SPATA17: variants seen among roughly 807,000 people sequenced by gnomAD.
The protein encoded by SPATA17 is spermatogenesis-associated protein 17.
A neutral mutation model predicts 62.2 loss-of-function variants in SPATA17; 53 were observed. The ratio of observed to expected loss-of-function variants is 0.85; its 90% CI spans 0.68 to 1.07. The LOEUF is 1.07. Among genes scored for constraint, SPATA17 ranks in the 50% least tolerant of loss-of-function variants. The probability of loss-of-function intolerance (pLI) is 0.00; values close to 1 mark genes in which losing one functional copy is unlikely to be tolerated. For missense variants in SPATA17, 466 were observed against 425.5 expected (o/e 1.10, Z -0.84); for synonymous variants, 146 against 146.8 (o/e 0.99, Z 0.04).
At chr1:217,813,302 C>T (rs1296196767) in intron 9 of SPATA17, among the ~76,000 whole-genome samples, 5 of 152,114 alleles carry the variant, frequency 3.3e-5, no homozygotes, top group Admixed American at 2.6e-4. Context: ...AGCTTAACGA[C>T]CGTGATTATG....
intron 6 of SPATA17, among the ~76,000 whole-genome samples, chr1:217,773,874 A>ATT (rs1673520697): frequency 6.6e-6 from 1 of 151,942 alleles, no homozygotes; most frequent in South Asian, 2.1e-4. Context: ...AATAATTAAA[A>ATT]TAATCAGTCA....
intron 5 of SPATA17, among the ~76,000 whole-genome samples, chr1:217,717,120 C>T (rs973422810): frequency 2.6e-5 from 4 of 152,104 alleles, no homozygotes; most frequent in Non-Finnish European, 4.4e-5. Context: ...CACATTAAGA[C>T]CCATCCTAAC....
intron 6 of SPATA17, among the ~76,000 whole-genome samples, chr1:217,756,119 A>G (rs1458674404): frequency 6.6e-6 from 1 of 152,186 alleles, no homozygotes; most frequent in Non-Finnish European, 1.5e-5. Context: ...TCGATTAACT[A>G]ATAAATGAAT....
Position 217,801,731 on chromosome 1 carries a change from T to C in SPATA17, c.886T>C (p.Ser296Pro). ...TATTTCTTTCAGGTTTTTGCCATTT[T>C]CTTCATACCATAAAAATGAAAAGTA... Reference protein sequence around the residue: ...NVNDNMFLPFSSYHKNEKYIP... With the variant: ...NVNDNMFLPFPSYHKNEKYIP... The change falls in exon 9 of 11, where the codon TCT (serine) becomes CCT (proline). Residue 296 changes from serine to proline, a missense_variant. Coordinates refer to ENST00000366933, the MANE Select transcript of SPATA17 (RefSeq NM_138796.4). 6.3e-7 allele frequency: 1 copy of C among 1,599,594 alleles called. No homozygotes were observed. The highest frequency in any genetic ancestry group is 8.5e-7 in the Non-Finnish European group (1 of 1,175,606).
chr1:217,819,021 A>C (rs1398059445), intron 9 of SPATA17, among the ~76,000 whole-genome samples: 1 of 150,420 alleles, frequency 6.6e-6, no homozygotes, highest in Non-Finnish European at 1.5e-5. Context: ...AGTTTCCTGC[A>C]TGTCTTTCTG....
chr1:217,837,887 G>A (rs778153517), intron 9 of SPATA17, among the ~76,000 whole-genome samples: 21 of 152,026 alleles, frequency 1.4e-4, no homozygotes, highest in Admixed American at 2.6e-4. Flanking sequence ...AGCTGCTCCC[G>A]GAGAAAGAAA....
chr1:217,802,880 T>C (rs1353813585), intron 9 of SPATA17, among the ~76,000 whole-genome samples: 2 of 152,142 alleles, frequency 1.3e-5, no homozygotes, highest in Admixed American at 6.6e-5. Context: ...TAAAGTCATA[T>C]CTAAATCATA....
chr1:217,806,336 GAACA>G (rs898237017), intron 9 of SPATA17, among the ~76,000 whole-genome samples: 1 of 152,132 alleles, frequency 6.6e-6, no homozygotes, highest in Non-Finnish European at 1.5e-5. Context: ...TAGAGGAACT[GAACA>G]GGGTCATCCT....
At chr1:217,752,480 C>T (rs1233603829) in intron 6 of SPATA17, among the ~76,000 whole-genome samples, 1 of 152,074 alleles carries the variant, frequency 6.6e-6, no homozygotes, top group Non-Finnish European at 1.5e-5. Context: ...TATGTTTTGA[C>T]TTCATACTCT....
rs1673391641 is a variant in SPATA17 at position 217,769,767 on chromosome 1, A to G, written c.520-4567A>G. Among the ~76,000 whole-genome samples, 3 of 152,220 alleles carry G rather than the reference A, an allele frequency of 2.0e-5. No homozygotes were observed. In the South Asian group the frequency reaches 6.2e-4, roughly 32 times the overall value. On this transcript the variant is annotated intron_variant, in intron 6 of 10. Transcript: ENST00000366933. The stretch of plus-strand genomic sequence containing the variant: ...TCCTTTGTGAATCCCTAATGTTTCC[A>G]TGAAATTCCTATTCCTTCTGGGGTA...
intron 9 of SPATA17, among the ~76,000 whole-genome samples, chr1:217,838,636 C>G (rs1335609901): frequency 6.6e-6 from 1 of 151,798 alleles, no homozygotes; most frequent in Admixed American, 6.6e-5. Flanking sequence ...GCCTGTGGCC[C>G]AAAGACAAAA....
intron 9 of SPATA17, among the ~76,000 whole-genome samples, chr1:217,831,354 G>T (rs560048810): frequency 6.6e-6 from 1 of 151,922 alleles, no homozygotes; most frequent in African/African-American, 2.4e-5. Context: ...TCCCAGAGAC[G>T]TTCACTCTTA....
At chr1:217,741,916 G>T in intron 5 of SPATA17, 59 bp from the exon 6 acceptor site, 1 of 1,600,928 alleles carries the variant, frequency 6.2e-7, no homozygotes, top group Non-Finnish European at 8.5e-7. Flanking sequence ...TATCATCAGT[G>T]AAAGAATTAA....
At chr1:217,727,224 G>A (rs941363134) in intron 5 of SPATA17, among the ~76,000 whole-genome samples, 1 of 149,354 alleles carries the variant, frequency 6.7e-6, no homozygotes, top group Non-Finnish European at 1.5e-5. Context: ...TCCAGCCTGG[G>A]CAACAAGAGC....
intron 5 of SPATA17, among the ~76,000 whole-genome samples, chr1:217,686,522 T>G (rs1671219215): frequency 6.6e-6 from 1 of 151,994 alleles, no homozygotes; most frequent in South Asian, 2.1e-4. Context: ...TAGAGAAACA[T>G]CTCTCAGATT....
intron 5 of SPATA17, among the ~76,000 whole-genome samples, chr1:217,686,235 A>G (rs1201757725): frequency 6.6e-6 from 1 of 152,158 alleles, no homozygotes; most frequent in Non-Finnish European, 1.5e-5. Flanking sequence ...TAAAATAAAT[A>G]CTTTATAAAA....
intron 4 of SPATA17, 119 bp downstream of exon 4, chr1:217,669,202 G>C: frequency 1.2e-6 from 1 of 820,006 alleles, no homozygotes; most frequent in Non-Finnish European, 2.0e-6. Flanking sequence ...GGTAAAGAGA[G>C]AAAGAGTATG....
At chr1:217,735,889 A>T (rs1234727030) in intron 5 of SPATA17, among the ~76,000 whole-genome samples, 1 of 151,808 alleles carries the variant, frequency 6.6e-6, no homozygotes, top group Non-Finnish European at 1.5e-5. Flanking sequence ...ATACTGAGCA[A>T]ATATTGAACT....
At position 217,773,932 on chromosome 1, in the gene SPATA17, T is replaced by C. The variant is rs140346910; in HGVS notation, c.520-402T>C. 1.0e-3 allele frequency among the ~76,000 whole-genome samples: 159 copies of C among 152,292 alleles called. 1 individual carries two copies. The highest frequency in any genetic ancestry group is 3.8e-3 in the African/African-American group (159 of 41,574). ...ACCTGAAACTTGATCAAGCATTGTATATTTGACTTCCTGTGAGTGAATGTA... is the reference window on the plus strand; with the variant it reads ...ACCTGAAACTTGATCAAGCATTGTACATTTGACTTCCTGTGAGTGAATGTA... On this transcript the variant is annotated intron_variant, in intron 6 of 10. Coordinates refer to ENST00000366933, the MANE Select transcript of SPATA17 (RefSeq NM_138796.4).
Sources: allele counts gnomAD v4.1 joint callset (sites outside exome capture counted in the v4.1 genomes callset), GRCh38; gene constraint gnomAD v4.1.1; transcripts MANE v1.5; gene names NCBI Gene and HGNC (gene_info 2026-07-23, HGNC 2026-07-21).